ELOVL5: variants seen among roughly 807,000 people sequenced by gnomAD.
ELOVL5 encodes the protein ELOVL fatty acid elongase 5.
In ELOVL5, 8 loss-of-function variants were observed where a neutral mutation model predicts 38.6. The observed-to-expected ratio is 0.21, with a 90% CI of 0.12 to 0.37. ELOVL5 has a LOEUF of 0.37. Among genes scored for constraint, ELOVL5 ranks in the 10% least tolerant of loss-of-function variants. The probability of loss-of-function intolerance (pLI) is 1.00; values close to 1 mark genes in which losing one functional copy is unlikely to be tolerated. For missense variants in ELOVL5, 280 were observed against 367.8 expected (o/e 0.76, Z 1.95); for synonymous variants, 127 against 133.7 (o/e 0.95, Z 0.34).
At chr6:53,314,666 C>T (rs1468377296) in intron 1 of ELOVL5, among the ~76,000 whole-genome samples, 1 of 151,948 alleles carries the variant, frequency 6.6e-6, no homozygotes, top group Non-Finnish European at 1.5e-5. Flanking sequence ...TTTCAGTTCA[C>T]TTCAAAACAC....
In ELOVL5 at chr6:53,324,691, A is replaced by AAAAAAAAAAAAC. The variant is rs70980840; in HGVS notation, c.-9+24125_-9+24126insGTTTTTTTTTTT. 1.8e-3 allele frequency among the ~76,000 whole-genome samples: 214 copies of AAAAAAAAAAAAC among 118,062 alleles called. 26 individuals carry two copies. The highest frequency in any genetic ancestry group is 3.6e-3 in the East Asian group (14 of 3,890). 77.5% of individuals were successfully genotyped at this position (118,062 alleles called of 152,430 possible). The stretch of plus-strand genomic sequence containing the variant: ...TCCTGTCAAAAAAAAAAAAAAAAAA[A>AAAAAAAAAAAAC]GGAAAAGAAATAGAATCAGGAAGGA... On this transcript the variant is annotated intron_variant, in intron 1 of 7. Transcript: ENST00000304434.
chr6:53,319,813 T>C (rs759144941), intron 1 of ELOVL5, among the ~76,000 whole-genome samples: 4 of 152,228 alleles, frequency 2.6e-5, no homozygotes, highest in Non-Finnish European at 5.9e-5. Flanking sequence ...TTTCAATATA[T>C]TACTCAAACC....
intron 1 of ELOVL5, among the ~76,000 whole-genome samples, chr6:53,325,981 T>A (rs1050108372): frequency 6.6e-6 from 1 of 152,206 alleles, no homozygotes; most frequent in Non-Finnish European, 1.5e-5. Flanking sequence ...GAAGACTTCA[T>A]GCAAGTGGCA....
intron 1 of ELOVL5, among the ~76,000 whole-genome samples, chr6:53,348,310 C>A (rs1769664268): frequency 6.6e-6 from 1 of 152,074 alleles, no homozygotes; most frequent in South Asian, 2.1e-4. Flanking sequence ...CCAGCGGCGC[C>A]CGGTGCCCGC....
At chr6:53,271,447 G>C (rs1329687327) in intron 6 of ELOVL5, among the ~76,000 whole-genome samples, 1 of 152,146 alleles carries the variant, frequency 6.6e-6, no homozygotes, top group Non-Finnish European at 1.5e-5. Context: ...CTACTTGGGA[G>C]GCTGAGATAG....
chr6:53,292,556 CAAGGCGGGTGGATCACCTG>C (rs1484550244), intron 2 of ELOVL5, among the ~76,000 whole-genome samples: 1 of 152,228 alleles, frequency 6.6e-6, no homozygotes, highest in East Asian at 1.9e-4. Context: ...TTTGGGATGC[CAAGGCGGGTGGATCACCTG>C]AAGTCAGGAG....
intron 1 of ELOVL5, among the ~76,000 whole-genome samples, chr6:53,325,371 A>ATGT (rs1768498334): frequency 6.6e-6 from 1 of 152,064 alleles, no homozygotes; most frequent in Non-Finnish European, 1.5e-5. Flanking sequence ...TCCAAATGTC[A>ATGT]TTTTTTAAAA....
chr6:53,288,561 A>G (rs992272760), intron 3 of ELOVL5, among the ~76,000 whole-genome samples: 2 of 152,194 alleles, frequency 1.3e-5, no homozygotes, highest in Admixed American at 6.5e-5. Context: ...AATAAACACT[A>G]AAGTTAATGA....
intron 1 of ELOVL5, among the ~76,000 whole-genome samples, chr6:53,342,703 T>C (rs746804522): frequency 1.3e-5 from 2 of 152,160 alleles, no homozygotes; most frequent in Non-Finnish European, 2.9e-5. Context: ...GCACTAAAAA[T>C]CTTAAAATAA....
chr6:53,270,314 C>G (rs184336817), intron 7 of ELOVL5, among the ~76,000 whole-genome samples: 5 of 152,216 alleles, frequency 3.3e-5, no homozygotes, highest in African/African-American at 4.8e-5. Flanking sequence ...CACGTCTCTG[C>G]TGCAGGTCAG....
intron 3 of ELOVL5, chr6:53,277,734 A>G (rs967297638): frequency 2.0e-5 from 3 of 152,240 alleles, no homozygotes; most frequent in Non-Finnish European, 2.9e-5. Flanking sequence ...ATGCAGGCTG[A>G]TCAGAAGTCC....
In ELOVL5 at chr6:53,348,856, A is replaced by C. The variant is rs1274779379; in HGVS notation, c.-48T>G. On this transcript the variant is annotated 5_prime_UTR_variant, in exon 1 of 8. Transcript: ENST00000304434. ...GGCGGCAGCAGCTTTGAGCAGCAGC[A>C]AGGCGGCGGCGGCGGAGGGAGCGCG... 2 of 458,580 alleles carry C rather than the reference A, an allele frequency of 4.4e-6. No homozygotes were observed. Among genetic ancestry groups the C allele is most frequent in the Non-Finnish European group, 8.8e-6 (2 of 228,190 alleles). 28.4% of individuals were successfully genotyped at this position (458,580 alleles called of 1,614,324 possible).
intron 1 of ELOVL5, among the ~76,000 whole-genome samples, chr6:53,347,831 G>A (rs1364360887): frequency 6.6e-6 from 1 of 152,036 alleles, no homozygotes; most frequent in African/African-American, 2.4e-5. Flanking sequence ...GGGGGGAACC[G>A]CCAAGTGCAA....
chr6:53,276,053 A>C, intron 4 of ELOVL5, 126 bp downstream of exon 4: 1 of 646,294 alleles, frequency 1.5e-6, no homozygotes, highest in Non-Finnish European at 2.7e-6. Context: ...TGCCTTTTTT[A>C]TTCTTTTAAA....
chr6:53,303,223 G>A (rs1056030533), intron 1 of ELOVL5, among the ~76,000 whole-genome samples: 3 of 152,182 alleles, frequency 2.0e-5, no homozygotes, highest in African/African-American at 7.2e-5. Context: ...TCAAAATGTC[G>A]TGAAGACCAT....
chr6:53,310,386 C>G (rs189091370), intron 1 of ELOVL5, among the ~76,000 whole-genome samples: 9 of 151,938 alleles, frequency 5.9e-5, no homozygotes, highest in Admixed American at 3.9e-4. Flanking sequence ...GTAGTTAACT[C>G]TAGGTTTATA....
chr6:53,325,371 A>G (rs209504), intron 1 of ELOVL5, among the ~76,000 whole-genome samples: 58,871 of 152,090 alleles, frequency 0.39, 13,267 homozygotes, highest in African/African-American at 0.63. Context: ...TCCAAATGTC[A>G]TTTTTTAAAA....
intron 6 of ELOVL5, 57 bp from the exon 7 acceptor site, chr6:53,270,784 A>G: frequency 1.3e-6 from 2 of 1,593,968 alleles, no homozygotes. Flanking sequence ...GAGGCCCCAC[A>G]CCAGGCAGAC....
intron 1 of ELOVL5, among the ~76,000 whole-genome samples, chr6:53,305,386 C>G (rs1263564920): frequency 7.0e-6 from 1 of 142,124 alleles, no homozygotes; most frequent in Admixed American, 6.8e-5. Flanking sequence ...GCTGACCCCC[C>G]CCCACCTCCC....
Sources: allele counts gnomAD v4.1 joint callset (sites outside exome capture counted in the v4.1 genomes callset), GRCh38; gene constraint gnomAD v4.1.1; transcripts MANE v1.5; gene names NCBI Gene and HGNC (gene_info 2026-07-23, HGNC 2026-07-21).